Variants in TRIM44 observed in about 807,000 individuals in gnomAD.
TRIM44 encodes tripartite motif-containing protein 44.
Under a neutral mutation model 37.4 loss-of-function variants are expected in TRIM44, and 13 were observed. That is an observed-to-expected ratio of 0.35 (90% CI 0.23 to 0.55). The LOEUF is 0.55. Ranked by LOEUF, TRIM44 falls within the 20% of genes least tolerant of loss-of-function variation. The pLI is 0.89. For synonymous variants in TRIM44, 175 were observed against 157.2 expected (o/e 1.11, Z -0.85); for missense variants, 426 against 437.2 (o/e 0.97, Z 0.23).
At chr11:35,734,051 T>G (rs1033513936) in intron 3 of TRIM44, among the ~76,000 whole-genome samples, 5 of 152,220 alleles carry the variant, frequency 3.3e-5, no homozygotes, top group Admixed American at 6.5e-5. Flanking sequence ...ATTCTCATAT[T>G]ATTCTGTTTA....
In TRIM44 at chr11:35,812,809, GA is replaced by G. The variant is rs35513435; in HGVS notation, c.*6425del. On this transcript the variant is annotated 3_prime_UTR_variant, in exon 5 of 5. Coordinates refer to ENST00000299413, the MANE Select transcript of TRIM44 (RefSeq NM_017583.6). ...TAGCCTGTAAAATGCAATGTACAGT[GA>G]GGGAAAGAAAGTCTAAGGGTAGCAG... The G allele has an allele frequency of 0.013, 1,949 of 151,588 alleles. 26 individuals are homozygous for G. Among genetic ancestry groups the G allele is most frequent in the Non-Finnish European group, 0.017 (1,182 of 67,766 alleles). 9.4% of individuals were successfully genotyped at this position (151,588 alleles called of 1,614,324 possible). A position where few individuals can be genotyped will look rare whatever the true frequency, so the allele number is the denominator to read the frequency against.
chr11:35,690,134 A>G (rs1420085683), intron 2 of TRIM44, among the ~76,000 whole-genome samples: 2 of 152,172 alleles, frequency 1.3e-5, no homozygotes, highest in Non-Finnish European at 2.9e-5. Flanking sequence ...CTGAAACAGC[A>G]GTTTTTTTTT....
chr11:35,725,988 C>T lies in TRIM44; in HGVS notation c.812C>T (p.Ala271Val), dbSNP rs1302155730. 6.2e-7 allele frequency: 1 copy of T among 1,614,028 alleles called. No homozygotes were observed. The highest frequency in any genetic ancestry group is 1.7e-5 in the Admixed American group (1 of 60,014). Reference sequence around the variant, plus strand: ...TTTAAGAAAGTTCAGAAAGTGATTGCTGATGAGGAGCAGAAGGCCCTTCAT... The same window carrying T: ...TTTAAGAAAGTTCAGAAAGTGATTGTTGATGAGGAGCAGAAGGCCCTTCAT... ...QEFKKVQKVI[A>V]DEEQKALHLV... The change falls in exon 3 of 5, where the codon GCT becomes GTT. Residue 271 changes from alanine to valine, a missense_variant. By Grantham distance (64) the Ala-to-Val change is moderately conservative. This residue lies in a region of TRIM44 where 95 missense variants were observed against 134.2 expected (regional missense o/e 0.71). Transcript: ENST00000299413.
intron 3 of TRIM44, among the ~76,000 whole-genome samples, chr11:35,727,153 G>A (rs1387951236): frequency 1.4e-5 from 2 of 147,640 alleles, no homozygotes; most frequent in Non-Finnish European, 3.0e-5. Flanking sequence ...GTGAGATCCT[G>A]TCTCAAAAAA....
chr11:35,707,747 T>G (rs968851941), intron 2 of TRIM44, among the ~76,000 whole-genome samples: 11 of 145,260 alleles, frequency 7.6e-5, no homozygotes, highest in African/African-American at 2.7e-4. Flanking sequence ...CCTTACACCT[T>G]ATACAAAAAT....
At chr11:35,713,919 G>A (rs987242373) in intron 2 of TRIM44, among the ~76,000 whole-genome samples, 2 of 152,186 alleles carry the variant, frequency 1.3e-5, no homozygotes, top group African/African-American at 4.8e-5. Flanking sequence ...TATCATTGAA[G>A]TAGACTGACC....
intron 4 of TRIM44, among the ~76,000 whole-genome samples, chr11:35,772,075 A>G (rs1306419507): frequency 6.6e-6 from 1 of 152,204 alleles, no homozygotes; most frequent in Non-Finnish European, 1.5e-5. Context: ...GAAAGGGGCC[A>G]ACGTAGAGCT....
chr11:35,671,897 A>C (rs1851397164), intron 1 of TRIM44, among the ~76,000 whole-genome samples: 1 of 152,208 alleles, frequency 6.6e-6, no homozygotes, highest in African/African-American at 2.4e-5. Flanking sequence ...TCATAGAAAA[A>C]TAGTTATGCA....
intron 2 of TRIM44, among the ~76,000 whole-genome samples, chr11:35,722,656 A>T (rs1255461409): frequency 6.6e-6 from 1 of 152,196 alleles, no homozygotes; most frequent in Non-Finnish European, 1.5e-5. Flanking sequence ...GGTCATTCTC[A>T]TCGCCATCCT....
At chr11:35,795,742 A>G (rs1853275563) in intron 4 of TRIM44, among the ~76,000 whole-genome samples, 1 of 152,116 alleles carries the variant, frequency 6.6e-6, no homozygotes, top group Admixed American at 6.5e-5. Flanking sequence ...TGTTGCAGGT[A>G]TGGTGAAATA....
intron 4 of TRIM44, among the ~76,000 whole-genome samples, chr11:35,751,268 A>G (rs370185146): frequency 6.6e-6 from 1 of 152,258 alleles, no homozygotes; most frequent in East Asian, 1.9e-4. Context: ...TCTAAAAGCT[A>G]ATACATGTTT....
rs940310985 is a variant in TRIM44, at chr11:35,662,833, G to GGCCGACGGGGGC, written c.-274_-263dup. 9.5e-6 allele frequency: 3 copies of GGCCGACGGGGGC among 314,580 alleles called. No homozygotes were observed. Among genetic ancestry groups the GGCCGACGGGGGC allele is most frequent in the Non-Finnish European group, 1.6e-5 (3 of 182,068 alleles). The allele number at this position is 314,580 out of a possible 1,614,324, so 19.5% of individuals were successfully genotyped here. ...GGCTGAGCGGGCGGCGCGACGCGGG[G>GGCCGACGGGGGC]GCCGACGGGGGCGCCGGGTGGCCGC... is the stretch of plus-strand genomic sequence containing the variant. On this transcript the variant is annotated 5_prime_UTR_variant, in exon 1 of 5. Transcript: ENST00000299413.
chr11:35,747,706 C>G (rs929446085), intron 4 of TRIM44, among the ~76,000 whole-genome samples: 1 of 152,132 alleles, frequency 6.6e-6, no homozygotes, highest in African/African-American at 2.4e-5. Flanking sequence ...AGGAACTTCT[C>G]TCCCCAGACA....
chr11:35,708,129 T>C (rs1204184571), intron 2 of TRIM44, among the ~76,000 whole-genome samples: 2 of 151,242 alleles, frequency 1.3e-5, no homozygotes, highest in Non-Finnish European at 3.0e-5. Context: ...AAGAAGACAT[T>C]CATGCAGCCA....
At chr11:35,745,229 T>C (rs769523587) in intron 4 of TRIM44, among the ~76,000 whole-genome samples, 1 of 152,212 alleles carries the variant, frequency 6.6e-6, no homozygotes, top group Non-Finnish European at 1.5e-5. Context: ...TTATTCTGAC[T>C]GGTGTGAGAT....
At chr11:35,755,574 T>C (rs1468493794) in intron 4 of TRIM44, among the ~76,000 whole-genome samples, 5 of 152,230 alleles carry the variant, frequency 3.3e-5, no homozygotes, top group Admixed American at 1.3e-4. Context: ...CATGAAGTCC[T>C]TGCCCATGCC....
At chr11:35,667,535 CTATT>C (rs746739448) in intron 1 of TRIM44, among the ~76,000 whole-genome samples, 1 of 151,562 alleles carries the variant, frequency 6.6e-6, no homozygotes, top group Non-Finnish European at 1.5e-5. Context: ...GCCTGGCTAA[CTATT>C]TATTTTTTAT....
chr11:35,741,408 A>G (rs1852395765), intron 4 of TRIM44, among the ~76,000 whole-genome samples: 1 of 152,164 alleles, frequency 6.6e-6, no homozygotes. Flanking sequence ...AAGAGTCACA[A>G]CTTTATTTTG....
intron 2 of TRIM44, among the ~76,000 whole-genome samples, chr11:35,713,602 A>AT (rs550364873): frequency 1.8e-3 from 275 of 151,614 alleles, no homozygotes; most frequent in Non-Finnish European, 3.3e-3. Context: ...ATCATACTAT[A>AT]TTTTTATTAA....
Sources: gnomAD v4.1 joint callset for allele counts (sites outside exome capture counted in the v4.1 genomes callset) on GRCh38, gnomAD v4.1.1 for gene constraint, gnomAD v4.1.1 regional missense constraint, MANE v1.5 for transcripts, NCBI Gene and HGNC (gene_info 2026-07-23, HGNC 2026-07-21) for gene names.